The following BTC variants were observed in gnomAD, a reference collection of about 807,000 sequenced individuals.
The protein encoded by BTC is probetacellulin.
In BTC, 13 loss-of-function variants were observed where a neutral mutation model predicts 18.1. The ratio of observed to expected loss-of-function variants is 0.72; its 90% CI spans 0.47 to 1.14. The LOEUF (loss-of-function observed/expected upper bound fraction) is 1.14. Ranked by LOEUF, BTC falls within the 50% of genes most tolerant of loss-of-function variation. The pLI, the probability that BTC is intolerant of heterozygous loss-of-function variation, is 0.00. For missense variants in BTC, 247 were observed against 224.2 expected, an observed-to-expected ratio of 1.10 and a Z score of -0.65; for synonymous variants, 83 against 79.4, an observed-to-expected ratio of 1.05 and a Z score of -0.24.
chr4:74,773,697 C>T (rs1057174946), intron 1 of BTC, among the ~76,000 whole-genome samples: 2 of 151,802 alleles, frequency 1.3e-5, no homozygotes, highest in Admixed American at 1.3e-4. Context: ...TTGCTGCCTC[C>T]GCCTCCTGGG....
At chr4:74,765,134 A>ACT (rs1724866954) in intron 2 of BTC, among the ~76,000 whole-genome samples, 3 of 151,048 alleles carry the variant, frequency 2.0e-5, no homozygotes, top group Admixed American at 6.6e-5. Flanking sequence ...GGAACAGGTA[A>ACT]ATATATCCTA....
intron 4 of BTC, among the ~76,000 whole-genome samples, chr4:74,749,745 C>CAAAAAAAAAA (rs71220725): frequency 5.5e-5 from 3 of 54,904 alleles, no homozygotes; most frequent in African/African-American, 2.3e-4. Flanking sequence ...TCCTGCTCTG[C>CAAAAAAAAAA]AAAAAAAAAA....
chr4:74,754,072 A>G (rs1346433911), intron 3 of BTC, among the ~76,000 whole-genome samples: 8 of 152,232 alleles, frequency 5.3e-5, no homozygotes, highest in African/African-American at 1.9e-4. Flanking sequence ...AACACTGCTT[A>G]TAACTGGCAA....
chr4:74,766,899 A>G (rs61600748), intron 2 of BTC, among the ~76,000 whole-genome samples: 4,882 of 152,054 alleles, frequency 0.032, 239 homozygotes, highest in African/African-American at 0.11. Context: ...ACTTTTAACA[A>G]ACTAGTAATA....
intron 4 of BTC, among the ~76,000 whole-genome samples, chr4:74,748,534 A>C (rs1724359826): frequency 6.6e-6 from 1 of 151,690 alleles, no homozygotes; most frequent in African/African-American, 2.4e-5. Flanking sequence ...AGACTCCGTC[A>C]CAAAAAAAAA....
intron 4 of BTC, among the ~76,000 whole-genome samples, chr4:74,749,678 A>ATTTTTTTTTTTTTTTTTTTTTT (rs1560708204): frequency 1.1e-5 from 1 of 90,592 alleles, no homozygotes; most frequent in Non-Finnish European, 2.3e-5. Context: ...TTAATAAGAT[A>ATTTTTTTTTTTTTTTTTTTTTT]GTTTTTTTTG....
intron 2 of BTC, among the ~76,000 whole-genome samples, chr4:74,759,617 A>T (rs1361425235): frequency 7.2e-6 from 1 of 139,844 alleles, no homozygotes; most frequent in Non-Finnish European, 1.7e-5. Context: ...GATAAAGTAT[A>T]AATAAAGTAT....
intron 2 of BTC, among the ~76,000 whole-genome samples, chr4:74,769,350 A>G (rs1334204891): frequency 6.6e-6 from 1 of 152,194 alleles, no homozygotes; most frequent in Non-Finnish European, 1.5e-5. Context: ...ACTGTAGTCC[A>G]AGGATCAGAT....
intron 1 of BTC, among the ~76,000 whole-genome samples, chr4:74,793,156 T>G (rs1869172): frequency 0.17 from 25,676 of 152,176 alleles, 3,518 homozygotes; most frequent in African/African-American, 0.38. Context: ...ATGTACACAT[T>G]CACTCTACCA....
At chr4:74,789,062 G>C (rs1725554376) in intron 1 of BTC, among the ~76,000 whole-genome samples, 2 of 152,196 alleles carry the variant, frequency 1.3e-5, no homozygotes, top group African/African-American at 4.8e-5. Flanking sequence ...TACTGACCTA[G>C]AAGGACTTCC....
intron 2 of BTC, among the ~76,000 whole-genome samples, chr4:74,765,206 A>T (rs1227802218): frequency 2.0e-5 from 3 of 151,956 alleles, no homozygotes; most frequent in African/African-American, 7.3e-5. Flanking sequence ...CAGAGAATTT[A>T]AAATTATCAT....
chr4:74,794,209 A>T, intron 1 of BTC, 53 bp downstream of exon 1: 1 of 1,546,106 alleles, frequency 6.5e-7, no homozygotes, highest in South Asian at 1.2e-5. Context: ...CCTCCCCGCG[A>T]CTCCAGCCCC....
chr4:74,747,067 T>C (rs1285074758), intron 5 of BTC, among the ~76,000 whole-genome samples: 1 of 152,226 alleles, frequency 6.6e-6, no homozygotes, highest in African/African-American at 2.4e-5. Flanking sequence ...GTTTGACAAG[T>C]GTGAAGCCCA....
chr4:74,751,153 T>C (rs1415223528), intron 3 of BTC, among the ~76,000 whole-genome samples: 1 of 152,176 alleles, frequency 6.6e-6, no homozygotes, highest in Non-Finnish European at 1.5e-5. Flanking sequence ...ATAAAAATTG[T>C]ATGGTTTTAT....
At chr4:74,769,907 C>T (rs1198532955) in intron 2 of BTC, 151 bp downstream of exon 2, 4 of 535,358 alleles carry the variant, frequency 7.5e-6, no homozygotes, top group Non-Finnish European at 1.3e-5. Flanking sequence ...TCAGGGGGCT[C>T]TTGTGAGTAG....
chr4:74,748,095 CAG>C lies in BTC; in HGVS notation c.481_482del (p.Leu161GlyfsTer2). Reference protein sequence around the residue: ...RKKKEEEMETLGKDITPINED... With the variant: ...RKKKEEEMETXGKDITPINED... ...CATTGATAGGAGTTATATCTTTACCCAGAGTTTCCATTTCTTCTTCTTTCTTC... is the reference window on the plus strand; with the variant it reads ...CATTGATAGGAGTTATATCTTTACCCAGTTTCCATTTCTTCTTCTTTCTTC... On this transcript the variant is annotated frameshift_variant, in exon 5 of 6. Coordinates refer to ENST00000395743, the MANE Select transcript of BTC (RefSeq NM_001729.4). LOFTEE classifies it high-confidence loss of function. 1.2e-6 allele frequency: 2 copies of C among 1,610,868 alleles called. No homozygotes were observed. The highest frequency in any genetic ancestry group is 1.7e-6 in the Non-Finnish European group (2 of 1,178,984).
chr4:74,759,114 G>T (rs1268186454), intron 2 of BTC, among the ~76,000 whole-genome samples: 1 of 151,944 alleles, frequency 6.6e-6, no homozygotes, highest in Non-Finnish European at 1.5e-5. Context: ...TCTAAATATT[G>T]AACTATGGAA....
Position 74,746,691 on chromosome 4 carries a change from A to T in BTC, c.*2-16T>A, listed in dbSNP as rs1553955522. 1 of 152,650 alleles carries T rather than the reference A, an allele frequency of 6.6e-6. No individual in the cohort carries two copies. The highest frequency in any genetic ancestry group is 1.5e-5 in the Non-Finnish European group (1 of 68,046). The allele number at this position is 152,650 out of a possible 1,614,324, so 9.5% of individuals were successfully genotyped here. A position where few individuals can be genotyped will look rare whatever the true frequency, so the allele number is the denominator to read the frequency against. On this transcript the variant is annotated splice_polypyrimidine_tract_variant and intron_variant, in intron 5 of 5. Transcript: ENST00000395743. The stretch of plus-strand genomic sequence containing the variant: ...TTCATAGCCTCTGAGAATGAAGAAA[A>T]TAACAGCACATCACTTAAAAGAAAT...
At chr4:74,754,042 A>G (rs782810396) in intron 3 of BTC, among the ~76,000 whole-genome samples, 4 of 152,204 alleles carry the variant, frequency 2.6e-5, no homozygotes, top group Non-Finnish European at 5.9e-5. Context: ...AGGCTCAGAA[A>G]AGGTAACTGA....
Sources: allele counts gnomAD v4.1 joint callset (sites outside exome capture counted in the v4.1 genomes callset), GRCh38; gene constraint gnomAD v4.1.1; transcripts MANE v1.5; gene names NCBI Gene and HGNC (gene_info 2026-07-23, HGNC 2026-07-21).